KYNU: variants seen among roughly 807,000 people sequenced by gnomAD.
KYNU encodes the protein kynureninase, also known as L-kynurenine hydrolase.
In KYNU, 54 loss-of-function variants were observed where a neutral mutation model predicts 59.2. That is an observed-to-expected ratio of 0.91 (90% CI 0.73 to 1.14). The LOEUF (loss-of-function observed/expected upper bound fraction) is 1.14, where lower values mean the gene tolerates loss of function less well. KYNU is among the 50% of genes most tolerant of loss of function. The probability of loss-of-function intolerance (pLI) is 0.00; values close to 1 mark genes in which losing one functional copy is unlikely to be tolerated. For synonymous variants in KYNU, 177 were observed against 192.0 expected, an observed-to-expected ratio of 0.92 and a Z score of 0.65; for missense variants, 567 against 554.4, an observed-to-expected ratio of 1.02 and a Z score of -0.23.
intron 11 of KYNU, among the ~76,000 whole-genome samples, chr2:143,031,883 C>G (rs1054003014): frequency 3.3e-5 from 5 of 152,014 alleles, no homozygotes; most frequent in Non-Finnish European, 7.4e-5. Context: ...CTGGGGAAGT[C>G]TCAGGAAACT....
At chr2:142,967,091 T>A (rs1464277221) in intron 8 of KYNU, among the ~76,000 whole-genome samples, 1 of 152,140 alleles carries the variant, frequency 6.6e-6, no homozygotes, top group Admixed American at 6.6e-5. Flanking sequence ...GTCTTATTTT[T>A]AAAAAACTCA....
intron 3 of KYNU, 98 bp downstream of exon 3, chr2:142,918,827 C>T: frequency 3.8e-6 from 5 of 1,327,104 alleles, no homozygotes; most frequent in Non-Finnish European, 5.4e-6. Flanking sequence ...GTAATAGAAT[C>T]CTAGTACAGT....
intron 10 of KYNU, among the ~76,000 whole-genome samples, chr2:143,025,684 T>C (rs1686532479): frequency 6.6e-6 from 1 of 152,150 alleles, no homozygotes; most frequent in South Asian, 2.1e-4. Context: ...GCTTTTACCA[T>C]TCTGCTCTGA....
At position 143,010,097 on chromosome 2, in the gene KYNU, A is replaced by G. The variant is rs1686044724; in HGVS notation, c.903-19530A>G. 2.8e-5 allele frequency among the ~76,000 whole-genome samples: 4 copies of G among 144,584 alleles called. 1 individual carries two copies. Among genetic ancestry groups the G allele is most frequent in the Admixed American group, 6.9e-5 (1 of 14,594 alleles). The allele number at this position is 144,584 out of a possible 152,430, so 94.9% of individuals were successfully genotyped here. On this transcript the variant is annotated intron_variant, in intron 10 of 13. Transcript: ENST00000264170. ...AAGAGAAGGAAATAAAGGGTACCCA[A>G]TTAGGAAAAGAGGAAGTCAAATTGT...
At position 142,948,490 on chromosome 2, in the gene KYNU, T is replaced by A. The variant is rs559154454; in HGVS notation, c.374-6320T>A. ...AAGAAGTTTAATGGAGAACTCATAG[T>A]TGCACATAGCTGGGGAAGCCTCATG... On this transcript the variant is annotated intron_variant, in intron 4 of 13. Transcript: ENST00000264170. Among the ~76,000 whole-genome samples the A allele has an allele frequency of 1.1e-4, 17 of 152,338 alleles. No homozygotes were observed. In the East Asian group the frequency reaches 3.1e-3, roughly 28 times the overall value.
intron 11 of KYNU, among the ~76,000 whole-genome samples, chr2:143,031,934 T>C (rs1488981112): frequency 6.6e-6 from 1 of 151,936 alleles, no homozygotes; most frequent in South Asian, 2.1e-4. Flanking sequence ...AAGGCACATA[T>C]GAGGTGATGG....
chr2:142,912,621 C>T (rs375012594), intron 2 of KYNU, among the ~76,000 whole-genome samples: 14 of 151,234 alleles, frequency 9.3e-5, no homozygotes, highest in Admixed American at 5.3e-4. Context: ...TCAGGTGATC[C>T]GCCCACCTCG....
chr2:142,953,092 G>A (rs775648780), intron 4 of KYNU, among the ~76,000 whole-genome samples: 2 of 152,100 alleles, frequency 1.3e-5, no homozygotes, highest in Non-Finnish European at 2.9e-5. Context: ...CCAAACCGGA[G>A]GAAGCTGAAA....
chr2:142,932,425 G>T (rs185707194), intron 4 of KYNU, among the ~76,000 whole-genome samples: 23 of 152,178 alleles, frequency 1.5e-4, no homozygotes, highest in African/African-American at 5.3e-4. Flanking sequence ...TTCACTACCT[G>T]ATCTGTTAGC....
intron 8 of KYNU, among the ~76,000 whole-genome samples, chr2:142,973,612 C>G (rs927012881): frequency 1.3e-5 from 2 of 152,124 alleles, no homozygotes; most frequent in Non-Finnish European, 2.9e-5. Context: ...TGCAAGCCTC[C>G]GTGTGCTTGG....
chr2:142,911,507 G>T (rs558189880), intron 2 of KYNU, among the ~76,000 whole-genome samples: 1 of 152,128 alleles, frequency 6.6e-6, no homozygotes, highest in African/African-American at 2.4e-5. Context: ...CATTAGTAAA[G>T]ATAGATAATT....
intron 2 of KYNU, among the ~76,000 whole-genome samples, chr2:142,893,114 A>C (rs1319452843): frequency 6.6e-6 from 1 of 152,244 alleles, no homozygotes; most frequent in Non-Finnish European, 1.5e-5. Flanking sequence ...AATGAAATGC[A>C]TGTAGGGTAC....
intron 4 of KYNU, among the ~76,000 whole-genome samples, chr2:142,951,165 G>A (rs1425459240): frequency 6.6e-6 from 1 of 152,202 alleles, no homozygotes; most frequent in East Asian, 1.9e-4. Flanking sequence ...GTGATACAGA[G>A]ACATGAGGTG....
intron 2 of KYNU, among the ~76,000 whole-genome samples, chr2:142,914,455 C>CT (rs1298994937): frequency 6.6e-6 from 1 of 152,212 alleles, no homozygotes; most frequent in African/African-American, 2.4e-5. Context: ...AGCACCTCAC[C>CT]TGTTTTCCAG....
chr2:142,949,435 C>T (rs1683911675), intron 4 of KYNU, among the ~76,000 whole-genome samples: 1 of 152,234 alleles, frequency 6.6e-6, no homozygotes, highest in Non-Finnish European at 1.5e-5. Flanking sequence ...CCTGGACATC[C>T]AGGCATTTCC....
At chr2:142,897,693 T>G (rs1681926936) in intron 2 of KYNU, among the ~76,000 whole-genome samples, 1 of 152,144 alleles carries the variant, frequency 6.6e-6, no homozygotes, top group Admixed American at 6.5e-5. Flanking sequence ...TTTCCTTAAA[T>G]TTTTGGTTAA....
rs532667393 is a variant in KYNU, at chr2:143,044,049, T to C, written c.*1877T>C. 5.3e-5 allele frequency: 8 copies of C among 152,120 alleles called. No homozygotes were observed. The highest frequency in any genetic ancestry group is 1.7e-4 in the African/African-American group (7 of 41,528). 9.4% of individuals were successfully genotyped at this position (152,120 alleles called of 1,614,324 possible). On this transcript the variant is annotated 3_prime_UTR_variant, in exon 14 of 14. Coordinates refer to ENST00000264170, the MANE Select transcript of KYNU (RefSeq NM_003937.3). Reference sequence around the variant, plus strand: ...CCCTCCCTGTGTTCATATGTTCTCATTGTTCAACTCTCACTTATGGGTAAG... The same window carrying C: ...CCCTCCCTGTGTTCATATGTTCTCACTGTTCAACTCTCACTTATGGGTAAG...
intron 3 of KYNU, among the ~76,000 whole-genome samples, chr2:142,919,704 T>C (rs1052731017): frequency 7.2e-5 from 11 of 152,072 alleles, no homozygotes; most frequent in African/African-American, 2.4e-4. Flanking sequence ...GAGGCAGAGG[T>C]GGGCAGATCA....
In KYNU at chr2:143,047,212, G is replaced by A. The variant is rs1048548586; in HGVS notation, c.*5040G>A. ...GTGGAGTAGCTAGGACTACAGGCAT[G>A]TGCCACAATGCCTGGCTCATTTTTA... On this transcript the variant is annotated 3_prime_UTR_variant, in exon 14 of 14. Coordinates refer to ENST00000264170, the MANE Select transcript of KYNU (RefSeq NM_003937.3). The A allele has an allele frequency of 1.3e-5, 2 of 151,900 alleles. No homozygotes were observed. The highest frequency in any genetic ancestry group is 1.9e-4 in the East Asian group (1 of 5,136). 9.4% of individuals were successfully genotyped at this position (151,900 alleles called of 1,614,324 possible). A position where few individuals can be genotyped will look rare whatever the true frequency, so the allele number is the denominator to read the frequency against.
Sources: allele counts gnomAD v4.1 joint callset (sites outside exome capture counted in the v4.1 genomes callset), GRCh38; gene constraint gnomAD v4.1.1; transcripts MANE v1.5; gene names NCBI Gene and HGNC (gene_info 2026-07-23, HGNC 2026-07-21).